AUTS2: variants seen among roughly 807,000 people sequenced by gnomAD.
AUTS2 encodes the protein activator of transcription and developmental regulator AUTS2, also known as autism susceptibility gene 2 protein.
Under a neutral mutation model 112.4 loss-of-function variants are expected in AUTS2, and 17 were observed. The observed-to-expected ratio is 0.15, with a 90% CI of 0.10 to 0.23. The LOEUF is 0.23. Ranked by LOEUF, AUTS2 falls within the 10% of genes least tolerant of loss-of-function variation. The pLI, the probability that AUTS2 is intolerant of heterozygous loss-of-function variation, is 1.00. For synonymous variants in AUTS2, 751 were observed against 702.7 expected (o/e 1.07, Z -1.09); for missense variants, 1,510 against 1,701.6 (o/e 0.89, Z 1.98).
chr7:70,296,358 A>G (rs550676536), intron 4 of AUTS2, among the ~76,000 whole-genome samples: 5 of 152,380 alleles, frequency 3.3e-5, no homozygotes, highest in African/African-American at 1.2e-4. Context: ...TTAGTATAGT[A>G]AAAGTGAAAA....
intron 5 of AUTS2, among the ~76,000 whole-genome samples, chr7:70,442,889 G>T (rs1019379993): frequency 6.6e-6 from 1 of 152,092 alleles, no homozygotes; most frequent in Non-Finnish European, 1.5e-5. Context: ...ACATTTTATT[G>T]TTCTTCCAAA....
intron 2 of AUTS2, among the ~76,000 whole-genome samples, chr7:69,938,293 C>T (rs2129544685): frequency 6.6e-6 from 1 of 152,314 alleles, no homozygotes; most frequent in East Asian, 1.9e-4. Context: ...CCTCTTCCCA[C>T]TGCTCTTTCT....
intron 1 of AUTS2, among the ~76,000 whole-genome samples, chr7:69,776,192 A>G (rs1788888737): frequency 6.6e-6 from 1 of 152,218 alleles, no homozygotes; most frequent in Non-Finnish European, 1.5e-5. Flanking sequence ...GTGTGGGGGA[A>G]AAATACTTAT....
chr7:69,921,340 T>G (rs985732386), intron 2 of AUTS2, among the ~76,000 whole-genome samples: 3 of 149,356 alleles, frequency 2.0e-5, no homozygotes, highest in African/African-American at 7.5e-5. Flanking sequence ...TTTTTTTTTT[T>G]TTTTTTTTTT....
chr7:69,824,840 C>T (rs1791170603), intron 1 of AUTS2, among the ~76,000 whole-genome samples: 1 of 152,134 alleles, frequency 6.6e-6, no homozygotes, highest in Non-Finnish European at 1.5e-5. Context: ...TCTGCATTTC[C>T]TGATCTGCTT....
intron 1 of AUTS2, among the ~76,000 whole-genome samples, chr7:69,772,951 A>G (rs1788728993): frequency 1.3e-5 from 2 of 152,134 alleles, no homozygotes; most frequent in Admixed American, 1.3e-4. Flanking sequence ...AGTGTATTTG[A>G]ATAAGTTTAA....
intron 5 of AUTS2, among the ~76,000 whole-genome samples, chr7:70,614,700 A>G (rs1462840497): frequency 6.6e-6 from 1 of 152,060 alleles, no homozygotes. Context: ...GCCTATTAGT[A>G]CTGATGCTGG....
chr7:70,340,902 G>A (rs1473801202), intron 4 of AUTS2, among the ~76,000 whole-genome samples: 1 of 152,200 alleles, frequency 6.6e-6, no homozygotes, highest in African/African-American at 2.4e-5. Flanking sequence ...TTGAGTTACA[G>A]ACACATTTCT....
intron 2 of AUTS2, among the ~76,000 whole-genome samples, chr7:70,098,600 G>A (rs1337200605): frequency 6.6e-6 from 1 of 151,936 alleles, no homozygotes; most frequent in Non-Finnish European, 1.5e-5. Flanking sequence ...CCAAGGAAAG[G>A]GATGATTTTT....
intron 4 of AUTS2, among the ~76,000 whole-genome samples, chr7:70,308,864 A>T (rs1286802190): frequency 6.6e-6 from 1 of 152,142 alleles, no homozygotes; most frequent in Non-Finnish European, 1.5e-5. Context: ...AAGAGGTGAG[A>T]GACACAGTGT....
chr7:70,040,653 A>G (rs983860700), intron 2 of AUTS2, among the ~76,000 whole-genome samples: 1 of 152,154 alleles, frequency 6.6e-6, no homozygotes, highest in Non-Finnish European at 1.5e-5. Context: ...CCACCCAGGA[A>G]CCTCTCTGGC....
intron 13 of AUTS2, among the ~76,000 whole-genome samples, chr7:70,775,603 CAGAGA>C (rs1448342979): frequency 2.0e-5 from 3 of 151,130 alleles, no homozygotes; most frequent in East Asian, 1.9e-4. Context: ...ATCTCTACAA[CAGAGA>C]AAAGTCAACG....
Position 70,277,926 on chromosome 7 carries a change from TTG to T in AUTS2, c.660+143377_660+143378del, listed in dbSNP as rs35535865. Among the ~76,000 whole-genome samples the T allele has an allele frequency of 4.3e-3, 557 of 128,936 alleles. 4 individuals carry two copies. Among genetic ancestry groups the T allele is most frequent in the South Asian group, 0.024 (96 of 4,054 alleles). The allele number at this position is 128,936 out of a possible 152,430, so 84.6% of individuals were successfully genotyped here. ...GTTAGATTTCATTTGCCTTGTGTATTTGTGTGTGTGTGTGTGTGTGTGTATGT... is the reference window on the plus strand; with the variant it reads ...GTTAGATTTCATTTGCCTTGTGTATTTGTGTGTGTGTGTGTGTGTGTATGT... On this transcript the variant is annotated intron_variant, in intron 4 of 18. Coordinates refer to ENST00000342771, the MANE Select transcript of AUTS2 (RefSeq NM_015570.4).
chr7:69,974,645 C>T (rs1797984824), intron 2 of AUTS2, among the ~76,000 whole-genome samples: 1 of 152,084 alleles, frequency 6.6e-6, no homozygotes, highest in Admixed American at 6.6e-5. Context: ...TTTCTCCTTC[C>T]TCTGCCTTTT....
At chr7:70,569,633 CCTCTGCAGAGAGGGTGACAGCTG>C (rs1801855234) in intron 5 of AUTS2, among the ~76,000 whole-genome samples, 1 of 152,212 alleles carries the variant, frequency 6.6e-6, no homozygotes, top group Non-Finnish European at 1.5e-5. Context: ...TAGGCCTTGG[CCTCTGCAGAGAGGGTGACAGCTG>C]TCAGATACAG....
intron 5 of AUTS2, among the ~76,000 whole-genome samples, chr7:70,555,516 G>A (rs1399177366): frequency 6.6e-6 from 1 of 152,086 alleles, no homozygotes; most frequent in African/African-American, 2.4e-5. Context: ...CTTGGACCTG[G>A]GACCCTCATA....
rs1421231231 is a variant in AUTS2 at position 70,001,185 on chromosome 7, G to A, written c.522+101687G>A. On this transcript the variant is annotated intron_variant, in intron 2 of 18. Transcript: ENST00000342771. ...CTGTTACCCAGGCTGGAGTGCAGAG[G>A]TGTGATCTCAGCTCACTGCAGCCTT... 3.3e-5 allele frequency among the ~76,000 whole-genome samples: 5 copies of A among 152,166 alleles called. No individual in the cohort carries two copies. The East Asian group carries it at 9.6e-4, about 29-fold the overall frequency.
At chr7:70,580,133 C>T (rs963099927) in intron 5 of AUTS2, among the ~76,000 whole-genome samples, 5 of 152,106 alleles carry the variant, frequency 3.3e-5, no homozygotes, top group Admixed American at 6.5e-5. Flanking sequence ...AGCACATTCC[C>T]GTCTCTTATC....
At chr7:70,279,193 G>A (rs777438080) in intron 4 of AUTS2, among the ~76,000 whole-genome samples, 7 of 152,144 alleles carry the variant, frequency 4.6e-5, no homozygotes, top group Non-Finnish European at 2.9e-5. Context: ...GCCTTTTGCA[G>A]CTTATTTGAT....
Sources: allele counts gnomAD v4.1 joint callset (sites outside exome capture counted in the v4.1 genomes callset), GRCh38; gene constraint gnomAD v4.1.1; transcripts MANE v1.5; gene names NCBI Gene and HGNC (gene_info 2026-07-23, HGNC 2026-07-21).